Variants in CPS1 observed in about 807,000 individuals in gnomAD.
CPS1 encodes the protein carbamoyl-phosphate synthase 1.
In CPS1, 109 loss-of-function variants were observed where a neutral mutation model predicts 174.6. The ratio of observed to expected loss-of-function variants is 0.62; its 90% CI spans 0.53 to 0.73. CPS1 has a LOEUF of 0.73. CPS1 is among the 30% of genes least tolerant of loss of function. The pLI, the probability that CPS1 is intolerant of heterozygous loss-of-function variation, is 0.00. For synonymous variants in CPS1, 637 were observed against 632.0 expected (o/e 1.01, Z -0.12); for missense variants, 1,689 against 1,821.9 (o/e 0.93, Z 1.33).
chr2:210,596,035 A>AT (rs1272006840), intron 13 of CPS1, among the ~76,000 whole-genome samples: 1 of 151,848 alleles, frequency 6.6e-6, no homozygotes, highest in Non-Finnish European at 1.5e-5. Context: ...GCAACAGTAC[A>AT]TTTTGTTCAG....
intron 1 of CPS1, among the ~76,000 whole-genome samples, chr2:210,535,191 AC>A (rs1696214649): frequency 1.3e-5 from 2 of 152,008 alleles, no homozygotes; most frequent in Non-Finnish European, 2.9e-5. Context: ...CCTGAAACAT[AC>A]CCCAGCTTTT....
intron 21 of CPS1, among the ~76,000 whole-genome samples, chr2:210,631,548 T>C (rs1166865760): frequency 2.0e-5 from 3 of 152,188 alleles, no homozygotes; most frequent in Non-Finnish European, 4.4e-5. Flanking sequence ...TGTGTAAAAG[T>C]CTGATGGTCT....
chr2:210,521,746 A>G (rs1297750074), intron 1 of CPS1, among the ~76,000 whole-genome samples: 1 of 151,922 alleles, frequency 6.6e-6, no homozygotes, highest in African/African-American at 2.4e-5. Flanking sequence ...TTCCTTGTCA[A>G]TTCTAAAATT....
In CPS1 at chr2:210,537,325, G is replaced by A. The variant is rs1696283075; in HGVS notation, c.4-19394G>A. 2.6e-5 allele frequency among the ~76,000 whole-genome samples: 4 copies of A among 152,176 alleles called. No individual in the cohort carries two copies. In the South Asian group the frequency reaches 8.3e-4, roughly 32 times the overall value. On this transcript the variant is annotated intron_variant, in intron 1 of 38. Transcript: ENST00000430249. ...GAATAATATTTTTTCTTTTGCATTT[G>A]CTGTGTCTTCTGGAGGAATGACAGT...
chr2:210,497,886 A>ATACG (rs1695031332), intron 1 of CPS1, among the ~76,000 whole-genome samples: 1 of 112,106 alleles, frequency 8.9e-6, no homozygotes, highest in Non-Finnish European at 1.8e-5. Context: ...AGAACAATAT[A>ATACG]TACATACATA....
Position 210,512,943 on chromosome 2 carries a change from TATATATATGGAG to T in CPS1, c.3+35186_3+35197del, listed in dbSNP as rs1695555003. 7.9e-5 allele frequency among the ~76,000 whole-genome samples: 5 copies of T among 63,050 alleles called. 1 individual carries two copies. Among genetic ancestry groups the T allele is most frequent in the East Asian group, 4.5e-4 (1 of 2,220 alleles). The allele number at this position is 63,050 out of a possible 152,430, so 41.4% of individuals were successfully genotyped here. On this transcript the variant is annotated intron_variant, in intron 1 of 38. Coordinates refer to the CPS1 transcript ENST00000430249. ...ATGGAGATATATATATATGGAGAGATATATATATGGAGATATATATATGGAGATATATATATA... is the reference window on the plus strand; with the variant it reads ...ATGGAGATATATATATATGGAGAGATATATATATATGGAGATATATATATA...
Position 210,668,299 on chromosome 2 carries a change from G to T in CPS1, c.4101+15G>T. The T allele has an allele frequency of 6.4e-7, 1 of 1,568,662 alleles. No individual in the cohort carries two copies. The highest frequency in any genetic ancestry group is 1.3e-5 in the African/African-American group (1 of 74,124). Reference sequence around the variant, plus strand: ...TAGGCATCCAGGTAAGTGGTTTGTGGCTGTGTGCTTGCCCATGGTCATACA... The same window carrying T: ...TAGGCATCCAGGTAAGTGGTTTGTGTCTGTGTGCTTGCCCATGGTCATACA... On this transcript the variant is annotated intron_variant, in intron 34 of 37. Transcript: ENST00000233072.
chr2:210,548,176 T>C (rs1021628532), intron 1 of CPS1, among the ~76,000 whole-genome samples: 9 of 152,096 alleles, frequency 5.9e-5, no homozygotes, highest in South Asian at 4.1e-4. Flanking sequence ...TAATAATACT[T>C]TTTCTATTGT....
At chr2:210,480,194 G>A (rs115661364) in intron 1 of CPS1, among the ~76,000 whole-genome samples, 1,529 of 152,260 alleles carry the variant, frequency 0.01, 29 homozygotes, top group African/African-American at 0.035. Flanking sequence ...GGTCATAGGT[G>A]TGTCGGTATT....
chr2:210,539,262 G>A (rs992968059), intron 1 of CPS1, among the ~76,000 whole-genome samples: 2 of 152,126 alleles, frequency 1.3e-5, no homozygotes, highest in African/African-American at 4.8e-5. Flanking sequence ...CCATGTCAGT[G>A]TTTGCTCTTA....
chr2:210,502,414 A>AAT (rs1372895792), intron 1 of CPS1, among the ~76,000 whole-genome samples: 2 of 146,300 alleles, frequency 1.4e-5, no homozygotes, highest in Admixed American at 6.9e-5. Flanking sequence ...ATATATATAT[A>AAT]ATATATATAT....
intron 1 of CPS1, among the ~76,000 whole-genome samples, chr2:210,506,806 G>A (rs1695300888): frequency 6.6e-6 from 1 of 152,166 alleles, no homozygotes; most frequent in Admixed American, 6.5e-5. Flanking sequence ...ATGAAATGAA[G>A]TGAGAAGAGA....
At chr2:210,656,844 C>T (rs979812745) in intron 30 of CPS1, among the ~76,000 whole-genome samples, 1 of 152,030 alleles carries the variant, frequency 6.6e-6, no homozygotes, top group African/African-American at 2.4e-5. Context: ...TGGTTGTATG[C>T]GAGTACAGGG....
chr2:210,594,177 A>G (rs1386899125), intron 11 of CPS1, among the ~76,000 whole-genome samples: 2 of 151,980 alleles, frequency 1.3e-5, no homozygotes, highest in South Asian at 2.1e-4. Flanking sequence ...TATAGCTTCA[A>G]TTGTTATATC....
At chr2:210,491,521 G>A (rs1285065544) in intron 1 of CPS1, among the ~76,000 whole-genome samples, 2 of 151,990 alleles carry the variant, frequency 1.3e-5, no homozygotes, top group African/African-American at 2.4e-5. Flanking sequence ...CACTATGTTA[G>A]CCAGGATGGT....
At chr2:210,506,468 C>G (rs1036575114) in intron 1 of CPS1, among the ~76,000 whole-genome samples, 2 of 152,140 alleles carry the variant, frequency 1.3e-5, no homozygotes, top group Admixed American at 6.6e-5. Flanking sequence ...ATTCTAAAAT[C>G]AGAGCGCCTC....
At chr2:210,562,171 C>A (rs563866597) in intron 1 of CPS1, among the ~76,000 whole-genome samples, 2 of 152,242 alleles carry the variant, frequency 1.3e-5, no homozygotes, top group Admixed American at 1.3e-4. Context: ...AATGAGAAAC[C>A]TTATTAGAAT....
At chr2:210,523,126 C>G (rs780240101) in intron 1 of CPS1, among the ~76,000 whole-genome samples, 4 of 151,926 alleles carry the variant, frequency 2.6e-5, no homozygotes, top group Non-Finnish European at 5.9e-5. Flanking sequence ...TTATCTAAGC[C>G]TCTGTTTTGT....
chr2:210,547,967 GTTAA>G, intron 1 of CPS1, among the ~76,000 whole-genome samples: 1 of 152,016 alleles, frequency 6.6e-6, no homozygotes, highest in East Asian at 1.9e-4. Flanking sequence ...TAAGATAAGT[GTTAA>G]TTAGTTAATC....
Sources: allele counts gnomAD v4.1 joint callset (sites outside exome capture counted in the v4.1 genomes callset), GRCh38; gene constraint gnomAD v4.1.1; transcripts MANE v1.5; gene names NCBI Gene and HGNC (gene_info 2026-07-23, HGNC 2026-07-21).